The following FOXP1 variants were observed in gnomAD, a reference collection of about 807,000 sequenced individuals.
FOXP1 encodes the protein forkhead box P1, also known as forkhead box protein P1.
In FOXP1, 15 loss-of-function variants were observed where a neutral mutation model predicts 98.2. The ratio of observed to expected loss-of-function variants is 0.15; its 90% CI spans 0.10 to 0.24. FOXP1 has a LOEUF of 0.24. Among genes scored for constraint, FOXP1 ranks in the 10% least tolerant of loss-of-function variants. The probability of loss-of-function intolerance (pLI) is 1.00; values close to 1 mark genes in which losing one functional copy is unlikely to be tolerated. For synonymous variants in FOXP1, 371 were observed against 314.5 expected (o/e 1.18, Z -1.90); for missense variants, 633 against 848.5 (o/e 0.75, Z 3.15).
At chr3:71,522,106 C>A (rs1214208334) in intron 2 of FOXP1, among the ~76,000 whole-genome samples, 2 of 152,124 alleles carry the variant, frequency 1.3e-5, no homozygotes, top group African/African-American at 4.8e-5. Flanking sequence ...ATACCACGCA[C>A]CAGCAATTGC....
rs2031409889 is a variant in FOXP1 at position 70,954,903 on chromosome 3, T to G, written c.*4344A>C. 1 of 231,658 alleles carries G rather than the reference T, an allele frequency of 4.3e-6. No individual in the cohort carries two copies. The allele number at this position is 231,658 out of a possible 1,614,324, so 14.4% of individuals were successfully genotyped here. On this transcript the variant is annotated 3_prime_UTR_variant, in exon 21 of 21. Coordinates refer to ENST00000649528, the MANE Select transcript of FOXP1 (RefSeq NM_001349338.3). Reference sequence around the variant, plus strand: ...ACAAAACAAAACAAAACAAAAAAATTCTTGTTACTGGCAGCACATATACAT... The same window carrying G: ...ACAAAACAAAACAAAACAAAAAAATGCTTGTTACTGGCAGCACATATACAT...
chr3:71,000,195 AG>A (rs2041932995), intron 13 of FOXP1, among the ~76,000 whole-genome samples: 1 of 152,128 alleles, frequency 6.6e-6, no homozygotes, highest in Non-Finnish European at 1.5e-5. Context: ...TTAAAAAAAA[AG>A]GCCCCATCTC....
intron 2 of FOXP1, among the ~76,000 whole-genome samples, chr3:71,568,623 T>C (rs1222185800): frequency 6.6e-6 from 1 of 150,424 alleles, no homozygotes; most frequent in Non-Finnish European, 1.5e-5. Flanking sequence ...GCTGGTCTTC[T>C]GCTTTTTGTT....
chr3:71,083,303 C>A (rs1186344977), intron 7 of FOXP1, among the ~76,000 whole-genome samples: 1 of 152,160 alleles, frequency 6.6e-6, no homozygotes, highest in Non-Finnish European at 1.5e-5. Flanking sequence ...CCCCTTCTGC[C>A]TTCCACCATG....
chr3:71,120,061 A>C (rs1457271618), intron 6 of FOXP1, among the ~76,000 whole-genome samples: 1 of 152,274 alleles, frequency 6.6e-6, no homozygotes, highest in African/African-American at 2.4e-5. Context: ...GAGAAGAAAG[A>C]AAGCACTGCA....
intron 3 of FOXP1, among the ~76,000 whole-genome samples, chr3:71,457,197 T>G (rs1294502900): frequency 6.6e-6 from 1 of 152,140 alleles, no homozygotes; most frequent in Non-Finnish European, 1.5e-5. Flanking sequence ...ATAATATACT[T>G]GTGGATTAAT....
chr3:71,573,322 C>T (rs534722268), intron 2 of FOXP1, among the ~76,000 whole-genome samples: 5 of 152,258 alleles, frequency 3.3e-5, no homozygotes, highest in Non-Finnish European at 4.4e-5. Context: ...GGTGAACTTT[C>T]GCCAGGTGGA....
intron 4 of FOXP1, among the ~76,000 whole-genome samples, chr3:71,352,710 A>T (rs1447365656): frequency 6.6e-6 from 1 of 152,180 alleles, no homozygotes; most frequent in Non-Finnish European, 1.5e-5. Flanking sequence ...AAAGGTAGCT[A>T]TTATAGGGTA....
intron 3 of FOXP1, among the ~76,000 whole-genome samples, chr3:71,475,223 T>A (rs1013101636): frequency 2.6e-5 from 4 of 152,214 alleles, no homozygotes; most frequent in African/African-American, 9.6e-5. Flanking sequence ...GTCCTATAAT[T>A]TCCTATCATG....
At chr3:71,301,566 T>G (rs972043234) in intron 4 of FOXP1, among the ~76,000 whole-genome samples, 1 of 152,220 alleles carries the variant, frequency 6.6e-6, no homozygotes, top group African/African-American at 2.4e-5. Context: ...CTCCAATACA[T>G]GCACTGTAAA....
At chr3:71,096,902 C>T (rs767191470) in intron 7 of FOXP1, among the ~76,000 whole-genome samples, 1 of 152,082 alleles carries the variant, frequency 6.6e-6, no homozygotes, top group Non-Finnish European at 1.5e-5. Context: ...ACCATTACAC[C>T]TATCTTAATG....
At chr3:71,282,040 C>T (rs1486503292) in intron 5 of FOXP1, among the ~76,000 whole-genome samples, 1 of 151,544 alleles carries the variant, frequency 6.6e-6, no homozygotes, top group African/African-American at 2.4e-5. Flanking sequence ...ACCCAGGAGG[C>T]GGAGGGTGCA....
chr3:70,987,914 T>C (rs2107491930), intron 14 of FOXP1, 80 bp downstream of exon 14: 2 of 1,334,396 alleles, frequency 1.5e-6, no homozygotes, highest in East Asian at 2.3e-5. Context: ...CTGGTCCTCC[T>C]TCCTCCATTT....
chr3:71,371,853 C>A (rs1195638855), intron 3 of FOXP1, among the ~76,000 whole-genome samples: 1 of 152,114 alleles, frequency 6.6e-6, no homozygotes, highest in African/African-American at 2.4e-5. Flanking sequence ...TCACTCCCTA[C>A]CTCCTTCTCT....
At chr3:71,399,709 A>C (rs2081819934) in intron 3 of FOXP1, among the ~76,000 whole-genome samples, 1 of 152,132 alleles carries the variant, frequency 6.6e-6, no homozygotes, top group Non-Finnish European at 1.5e-5. Context: ...ATACACCTGA[A>C]ATATGTAAGT....
intron 6 of FOXP1, among the ~76,000 whole-genome samples, chr3:71,193,159 T>C (rs1576314122): frequency 6.6e-6 from 1 of 150,906 alleles, no homozygotes; most frequent in Non-Finnish European, 1.5e-5. Context: ...ATTTGTGTTT[T>C]TTTTTTGAGA....
intron 2 of FOXP1, among the ~76,000 whole-genome samples, chr3:71,580,546 T>C (rs1190156540): frequency 6.6e-6 from 1 of 152,062 alleles, no homozygotes; most frequent in Non-Finnish European, 1.5e-5. Context: ...AACAGAAAAA[T>C]AGCAGGAACT....
intron 4 of FOXP1, among the ~76,000 whole-genome samples, chr3:71,344,372 C>T (rs150864765): frequency 2.0e-5 from 3 of 152,132 alleles, no homozygotes; most frequent in African/African-American, 7.2e-5. Context: ...AAACTTGCCA[C>T]CCACAAACAG....
chr3:71,411,166 G>A (rs1017367432), intron 3 of FOXP1, among the ~76,000 whole-genome samples: 3 of 152,056 alleles, frequency 2.0e-5, no homozygotes, highest in Non-Finnish European at 2.9e-5. Context: ...TATATAGGAC[G>A]TCTACAAATT....
Sources: allele counts gnomAD v4.1 joint callset (sites outside exome capture counted in the v4.1 genomes callset), GRCh38; gene constraint gnomAD v4.1.1; transcripts MANE v1.5; gene names NCBI Gene and HGNC (gene_info 2026-07-23, HGNC 2026-07-21).